Variants in ANKS1A observed in about 807,000 individuals in gnomAD.
ANKS1A encodes ankyrin repeat and SAM domain-containing protein 1A.
Under a neutral mutation model 120.3 loss-of-function variants are expected in ANKS1A, and 55 were observed. That is an observed-to-expected ratio of 0.46 (90% CI 0.37 to 0.57). The LOEUF is 0.57. Ranked by LOEUF, ANKS1A falls within the 20% of genes least tolerant of loss-of-function variation. The probability of loss-of-function intolerance (pLI) is 0.00; values close to 1 mark genes in which losing one functional copy is unlikely to be tolerated. For missense variants in ANKS1A, 1,123 were observed against 1,480.3 expected (o/e 0.76, Z 3.96); for synonymous variants, 590 against 604.7 (o/e 0.98, Z 0.36).
chr6:35,032,202 G>A (rs1774941471), intron 11 of ANKS1A, among the ~76,000 whole-genome samples: 1 of 152,206 alleles, frequency 6.6e-6, no homozygotes, highest in South Asian at 2.1e-4. Flanking sequence ...GAGGTGAGGT[G>A]AGGCCCCATT....
chr6:34,945,584 T>G (rs1221097546), intron 1 of ANKS1A, among the ~76,000 whole-genome samples: 1 of 152,184 alleles, frequency 6.6e-6, no homozygotes, highest in African/African-American at 2.4e-5. Context: ...TTCCACTAAT[T>G]TATTTGTTCA....
chr6:34,954,460 A>G (rs1055450378), intron 1 of ANKS1A, among the ~76,000 whole-genome samples: 17 of 152,152 alleles, frequency 1.1e-4, no homozygotes, highest in Admixed American at 2.6e-4. Context: ...TATAACTGCT[A>G]TGTTTATCCT....
intron 1 of ANKS1A, among the ~76,000 whole-genome samples, chr6:34,950,718 A>C (rs1467553377): frequency 6.6e-6 from 1 of 152,126 alleles, no homozygotes; most frequent in Non-Finnish European, 1.5e-5. Context: ...ATTCTTGCTG[A>C]AGGCAGGCCA....
At chr6:35,068,924 T>C (rs1776932044) in intron 13 of ANKS1A, among the ~76,000 whole-genome samples, 1 of 152,064 alleles carries the variant, frequency 6.6e-6, no homozygotes, top group Admixed American at 6.6e-5. Flanking sequence ...CTGGCGCAGC[T>C]CTGGCCCCAA....
rs777062309 is a variant in ANKS1A, at chr6:35,086,386, T to C, written c.3303+450T>C. On this transcript the variant is annotated intron_variant, in intron 22 of 23. Coordinates refer to ENST00000360359, the MANE Select transcript of ANKS1A (RefSeq NM_015245.3). This position sits in a 1 kb window ranked among gnomAD's most constrained non-coding sequence, Gnocchi z 5.1. ...GAGTCAAGGTCTTTACGCCTCCTGC[T>C]GTCTTGTGTGTCAGTCTCCCCGAAG... 1 of 1,291,080 alleles carries C rather than the reference T, an allele frequency of 7.7e-7. No individual in the cohort carries two copies. The highest frequency in any genetic ancestry group is 1.0e-6 in the Non-Finnish European group (1 of 989,020). The allele number at this position is 1,291,080 out of a possible 1,614,324, so 80.0% of individuals were successfully genotyped here.
At chr6:34,905,504 TTGTC>T (rs34234438) in intron 1 of ANKS1A, among the ~76,000 whole-genome samples, 11,075 of 152,262 alleles carry the variant, frequency 0.073, 600 homozygotes, top group East Asian at 0.23. Context: ...ACTTAATACT[TTGTC>T]TGTGCCAAGG....
chr6:35,010,210 T>C (rs1195715027), intron 10 of ANKS1A, among the ~76,000 whole-genome samples: 1 of 151,996 alleles, frequency 6.6e-6, no homozygotes, highest in Non-Finnish European at 1.5e-5. Context: ...AGAGCTTATG[T>C]TTAGAGGCAC....
chr6:34,970,121 G>A lies in ANKS1A; in HGVS notation c.390G>A (p.Arg130=). The A allele has an allele frequency of 6.2e-7, 1 of 1,614,010 alleles. No individual in the cohort carries two copies. The highest frequency in any genetic ancestry group is 8.5e-7 in the Non-Finnish European group (1 of 1,179,978). ...GGAAAGGAGATGCCCAGATAGTGCG[G>A]TTGCTCATCCATCAAGGGCCTTCAC... is the stretch of plus-strand genomic sequence containing the variant. ...AAWKGDAQIV[R]LLIHQGPSHT... Residue 130 remains arginine, a synonymous_variant, in exon 3 of 24, where the codon CGG becomes CGA. Coordinates refer to ENST00000360359, the MANE Select transcript of ANKS1A (RefSeq NM_015245.3).
chr6:35,019,058 G>A (rs1489995120), intron 11 of ANKS1A, among the ~76,000 whole-genome samples: 1 of 152,182 alleles, frequency 6.6e-6, no homozygotes, highest in African/African-American at 2.4e-5. Flanking sequence ...AACATTGGGA[G>A]TCAGAGGCCC....
At chr6:35,077,423 A>G (rs1189131421) in intron 13 of ANKS1A, among the ~76,000 whole-genome samples, 1 of 152,212 alleles carries the variant, frequency 6.6e-6, no homozygotes, top group Non-Finnish European at 1.5e-5. Flanking sequence ...ATTCCGTGAT[A>G]AGAACAAGGC....
Position 34,938,379 on chromosome 6 carries a change from T to C in ANKS1A, c.198-28860T>C, listed in dbSNP as rs555797803. Among the ~76,000 whole-genome samples the C allele has an allele frequency of 2.0e-5, 3 of 152,356 alleles. No individual in the cohort carries two copies. The South Asian group carries it at 6.2e-4, about 32-fold the overall frequency. On this transcript the variant is annotated intron_variant, in intron 1 of 23. Transcript: ENST00000360359. ...TTTGAGGAATGGAGTGAAATTGCTCTGTAGAAAAGGCTGTGTCATTGCCCC... is the reference window on the plus strand; with the variant it reads ...TTTGAGGAATGGAGTGAAATTGCTCCGTAGAAAAGGCTGTGTCATTGCCCC...
At position 35,091,268 on chromosome 6, in the gene ANKS1A, C is replaced by T. The variant is rs1778292253; in HGVS notation, c.*2659C>T. The T allele has an allele frequency of 4.1e-6, 4 of 985,890 alleles. No individual in the cohort carries two copies. The highest frequency in any genetic ancestry group is 4.8e-6 in the Non-Finnish European group (4 of 829,946). 61.1% of individuals were successfully genotyped at this position (985,890 alleles called of 1,614,324 possible). On this transcript the variant is annotated 3_prime_UTR_variant, in exon 24 of 24. Coordinates refer to ENST00000360359, the MANE Select transcript of ANKS1A (RefSeq NM_015245.3). ...CTTTGAGGTACCAAACATAACCAAT[C>T]TGTGCAACAACATAGACTGACCTCA...
chr6:34,965,711 T>G (rs1370601023), intron 1 of ANKS1A, among the ~76,000 whole-genome samples: 1 of 152,012 alleles, frequency 6.6e-6, no homozygotes, highest in Non-Finnish European at 1.5e-5. Context: ...CTCAGATGGC[T>G]TTACTGGTGA....
rs776256932 is a variant in ANKS1A, at chr6:35,029,349, C to CTT, written c.2010+11308_2010+11309dup. Among the ~76,000 whole-genome samples, 394 of 105,760 alleles carry CTT rather than the reference C, an allele frequency of 3.7e-3. 14 individuals carry two copies. Among genetic ancestry groups the CTT allele is most frequent in the East Asian group, 0.012 (47 of 3,888 alleles). 69.4% of individuals were successfully genotyped at this position (105,760 alleles called of 152,430 possible). A position where few individuals can be genotyped will look rare whatever the true frequency, so the allele number is the denominator to read the frequency against. ...ATCTATCAATCTTGAATGACTTCTG[C>CTT]TTTTTTTTTTTTTTTTTTTGAGACA... On this transcript the variant is annotated intron_variant, in intron 11 of 23. Transcript: ENST00000360359.
At chr6:34,917,124 A>G (rs1260333051) in intron 1 of ANKS1A, among the ~76,000 whole-genome samples, 1 of 152,122 alleles carries the variant, frequency 6.6e-6, no homozygotes, top group Non-Finnish European at 1.5e-5. Flanking sequence ...CACTAATCCT[A>G]TCCCAGCATC....
intron 11 of ANKS1A, among the ~76,000 whole-genome samples, chr6:35,032,873 T>A (rs1467787230): frequency 1.3e-5 from 2 of 152,234 alleles, no homozygotes; most frequent in African/African-American, 4.8e-5. Context: ...GTATACTGAA[T>A]GTCTTATGAC....
rs1322838397 is a variant in ANKS1A, at chr6:35,090,149, G to C, written c.*1540G>C. 1 of 1,289,294 alleles carries C rather than the reference G, an allele frequency of 7.8e-7. No individual in the cohort carries two copies. The highest frequency in any genetic ancestry group is 1.0e-6 in the Non-Finnish European group (1 of 988,876). 79.9% of individuals were successfully genotyped at this position (1,289,294 alleles called of 1,614,324 possible). A position where few individuals can be genotyped will look rare whatever the true frequency, so the allele number is the denominator to read the frequency against. On this transcript the variant is annotated 3_prime_UTR_variant, in exon 24 of 24. Transcript: ENST00000360359. The stretch of plus-strand genomic sequence containing the variant: ...GGACTCAGCTCTCTCTGCGGTAGAG[G>C]CAGGCCCTCCTCCACTTCTTGGTAC...
chr6:35,092,677 G>T (rs1778344425), downstream of ANKS1A, among the ~76,000 whole-genome samples: 1 of 152,162 alleles, frequency 6.6e-6, no homozygotes, highest in Admixed American at 6.5e-5. Flanking sequence ...TGTCATCAGG[G>T]CACCAGGACA....
intron 13 of ANKS1A, among the ~76,000 whole-genome samples, chr6:35,070,570 A>C (rs1777031192): frequency 6.9e-6 from 1 of 144,656 alleles, no homozygotes; most frequent in African/African-American, 2.6e-5. Flanking sequence ...GCTCACTGCA[A>C]GCTCTGCCTC....
Sources: gnomAD v4.1 joint callset for allele counts (sites outside exome capture counted in the v4.1 genomes callset) on GRCh38, gnomAD v4.1.1 for gene constraint, Gnocchi (gnomAD v3.1) non-coding constraint, MANE v1.5 for transcripts, NCBI Gene and HGNC (gene_info 2026-07-23, HGNC 2026-07-21) for gene names.